The following PLEKHM1 variants were observed in gnomAD, a reference collection of about 807,000 sequenced individuals.
PLEKHM1 encodes the protein pleckstrin homology and RUN domain containing M1, also known as pleckstrin homology domain-containing family M member 1.
PLEKHM1 carries 28 observed loss-of-function variants against 94.3 expected under a neutral mutation model. The observed-to-expected ratio is 0.30, with a 90% CI of 0.22 to 0.41. PLEKHM1 has a LOEUF of 0.41. Among genes scored for constraint, PLEKHM1 ranks in the 10% least tolerant of loss-of-function variants. The pLI is 1.00. For missense variants in PLEKHM1, 907 were observed against 1,358.6 expected, an observed-to-expected ratio of 0.67 and a Z score of 5.22; for synonymous variants, 424 against 581.2, an observed-to-expected ratio of 0.73 and a Z score of 3.89.
At position 45,444,545 on chromosome 17, in the gene PLEKHM1, G is replaced by A. The variant is rs979218415; in HGVS notation, c.2837+925C>T. Reference sequence around the variant, plus strand: ...AATTTCAGGAGGGAGGCTGGCATGGGCCAGACGACTGGCTGGTACAGGGAA... The same window carrying A: ...AATTTCAGGAGGGAGGCTGGCATGGACCAGACGACTGGCTGGTACAGGGAA... On this transcript the variant is annotated intron_variant, in intron 9 of 11. Coordinates refer to ENST00000430334, the MANE Select transcript of PLEKHM1 (RefSeq NM_014798.3). This position sits in a 1 kb window ranked among gnomAD's most constrained non-coding sequence, Gnocchi z 5.0. Among the ~76,000 whole-genome samples, 2 of 152,194 alleles carry A rather than the reference G, an allele frequency of 1.3e-5. No homozygotes were observed. Among genetic ancestry groups the A allele is most frequent in the Admixed American group, 1.3e-4 (2 of 15,286 alleles).
chr17:45,473,223 G>C (rs1424063367), intron 4 of PLEKHM1, among the ~76,000 whole-genome samples: 1 of 152,060 alleles, frequency 6.6e-6, no homozygotes, highest in African/African-American at 2.4e-5. Context: ...ACAGGCCCCA[G>C]CACCCATTAA....
chr17:45,448,097 A>G (rs754602661), intron 8 of PLEKHM1: 1 of 152,222 alleles, frequency 6.6e-6, no homozygotes, highest in Non-Finnish European at 1.5e-5. Flanking sequence ...GTGCCCAGCT[A>G]GGATTGTACT....
chr17:45,436,973 C>A lies in PLEKHM1; in HGVS notation c.*885G>T. On this transcript the variant is annotated 3_prime_UTR_variant, in exon 12 of 12. Transcript: ENST00000430334. ...GGTGGGCCTGGAGCATCTGCAGCAG[C>A]GCCCCTGTCTGTAGAGGGGTGAGGA... 2.2e-6 allele frequency: 1 copy of A among 448,408 alleles called. No individual in the cohort carries two copies. The highest frequency in any genetic ancestry group is 4.5e-6 in the Non-Finnish European group (1 of 221,976). 27.8% of individuals were successfully genotyped at this position (448,408 alleles called of 1,614,324 possible). A position where few individuals can be genotyped will look rare whatever the true frequency, so the allele number is the denominator to read the frequency against.
At position 45,445,452 on chromosome 17, in the gene PLEKHM1, C is replaced by A. The variant is rs761391696; in HGVS notation, c.2837+18G>T. On this transcript the variant is annotated intron_variant, in intron 9 of 11. Coordinates refer to ENST00000430334, the MANE Select transcript of PLEKHM1 (RefSeq NM_014798.3). This position sits in a 1 kb window ranked among gnomAD's most constrained non-coding sequence, Gnocchi z 4.2. ...GTGTGTACGTGCACTCACACGCATA[C>A]ACGTAGAGGTTGCTCACCTCTTGCT... 1 of 1,606,668 alleles carries A rather than the reference C, an allele frequency of 6.2e-7. No individual in the cohort carries two copies. Among genetic ancestry groups the A allele is most frequent in the Non-Finnish European group, 8.5e-7 (1 of 1,173,540 alleles).
rs147030255 is a variant in PLEKHM1, at chr17:45,460,731, A to G, written c.1309-2292T>C. Among the ~76,000 whole-genome samples, 1,132 of 150,580 alleles carry G rather than the reference A, an allele frequency of 7.5e-3. 8 individuals carry two copies. Among genetic ancestry groups the G allele is most frequent in the South Asian group, 0.022 (106 of 4,778 alleles). Reference sequence around the variant, plus strand: ...CACCAGCATGCCCAGCAAATTTTTTATATTTTTAGTAGAGATGGGGTTTCA... The same window carrying G: ...CACCAGCATGCCCAGCAAATTTTTTGTATTTTTAGTAGAGATGGGGTTTCA... On this transcript the variant is annotated intron_variant, in intron 5 of 11. Transcript: ENST00000430334.
chr17:45,481,765 C>A (rs1206545808), intron 2 of PLEKHM1, among the ~76,000 whole-genome samples: 2 of 151,684 alleles, frequency 1.3e-5, no homozygotes, highest in Non-Finnish European at 2.9e-5. Context: ...GGGAAAGGCA[C>A]GTCTCTGAGA....
intron 5 of PLEKHM1, among the ~76,000 whole-genome samples, chr17:45,462,344 G>T (rs1213880100): frequency 6.6e-6 from 1 of 151,748 alleles, no homozygotes; most frequent in African/African-American, 2.4e-5. Context: ...AGGTCATCAA[G>T]AACTGGGGGA....
At chr17:45,456,573 C>T (rs941130003) in intron 6 of PLEKHM1, among the ~76,000 whole-genome samples, 27 of 152,344 alleles carry the variant, frequency 1.8e-4, no homozygotes, top group African/African-American at 6.0e-4. Flanking sequence ...AGCACAGCTT[C>T]GCTGGCAGGT....
chr17:45,452,042 G>A (rs576952258), intron 7 of PLEKHM1, among the ~76,000 whole-genome samples: 119 of 152,256 alleles, frequency 7.8e-4, no homozygotes, highest in African/African-American at 2.7e-3. Context: ...GTGCCAACAG[G>A]ACAGCTCCCA....
At chr17:45,473,819 A>C (rs2051605363) in intron 4 of PLEKHM1, among the ~76,000 whole-genome samples, 1 of 152,066 alleles carries the variant, frequency 6.6e-6, no homozygotes, top group African/African-American at 2.4e-5. Flanking sequence ...CGGCCTCCCA[A>C]AGTGCTGGGA....
At chr17:45,489,913 G>T (rs2052254895) in intron 1 of PLEKHM1, among the ~76,000 whole-genome samples, 1 of 152,128 alleles carries the variant, frequency 6.6e-6, no homozygotes, top group Non-Finnish European at 1.5e-5. Flanking sequence ...TTGGGTGAGG[G>T]TGGTAGGAAA....
chr17:45,441,267 G>A (rs549886154), intron 9 of PLEKHM1, among the ~76,000 whole-genome samples: 12 of 152,312 alleles, frequency 7.9e-5, no homozygotes, highest in South Asian at 6.2e-4. Flanking sequence ...CTGGGCCTCC[G>A]GGGTGCAAAC....
At chr17:45,485,851 G>A (rs1567809929) in intron 1 of PLEKHM1, among the ~76,000 whole-genome samples, 1 of 151,942 alleles carries the variant, frequency 6.6e-6, no homozygotes, top group Non-Finnish European at 1.5e-5. Flanking sequence ...CCCAGGAGGC[G>A]GAGGTTGCAG....
chr17:45,450,947 A>AGTAAGAACTATCATTATTTTACAG (rs2050757721), intron 7 of PLEKHM1, among the ~76,000 whole-genome samples, 184 bp from the exon 8 acceptor site: 2 of 139,508 alleles, frequency 1.4e-5, no homozygotes, highest in Non-Finnish European at 3.1e-5. Flanking sequence ...ACAACAACAC[A>AGTAAGAACTATCATTATTTTACAG]CTGTAAGAAC....
At chr17:45,434,594 C>T (rs868578323), downstream of PLEKHM1, among the ~76,000 whole-genome samples, 9 of 151,868 alleles carry the variant, frequency 5.9e-5, no homozygotes, top group South Asian at 4.2e-4. Context: ...TACAGGCACC[C>T]GCCATCATGC....
At position 45,445,357 on chromosome 17, in the gene PLEKHM1, G is replaced by A. The variant is rs2050570976; in HGVS notation, c.2837+113C>T. 1 of 778,154 alleles carries A rather than the reference G, an allele frequency of 1.3e-6. No homozygotes were observed. Among genetic ancestry groups the A allele is most frequent in the Non-Finnish European group, 2.2e-6 (1 of 453,972 alleles). 48.2% of individuals were successfully genotyped at this position (778,154 alleles called of 1,614,324 possible). A position where few individuals can be genotyped will look rare whatever the true frequency, so the allele number is the denominator to read the frequency against. ...TGTATAAATTTATGTGTGTGGGTATGTGTGCACATGTGTATGTGTGTCTGT... is the reference window on the plus strand; with the variant it reads ...TGTATAAATTTATGTGTGTGGGTATATGTGCACATGTGTATGTGTGTCTGT... On this transcript the variant is annotated intron_variant, in intron 9 of 11. Transcript: ENST00000430334. The surrounding 1 kb of genome is among the most constrained non-coding windows in gnomAD (Gnocchi z 4.2).
intron 4 of PLEKHM1, among the ~76,000 whole-genome samples, chr17:45,471,671 G>A (rs1318212491): frequency 4.6e-5 from 7 of 152,140 alleles, no homozygotes; most frequent in Admixed American, 6.6e-5. Context: ...CAGGAGAATC[G>A]CATGAACCCA....
At chr17:45,471,420 T>C (rs1196293812) in intron 4 of PLEKHM1, among the ~76,000 whole-genome samples, 1 of 149,708 alleles carries the variant, frequency 6.7e-6, no homozygotes, top group Non-Finnish European at 1.5e-5. Flanking sequence ...TAGAGTTACA[T>C]ATGACCCAGC....
chr17:45,486,361 T>A (rs1364753147), intron 1 of PLEKHM1, among the ~76,000 whole-genome samples: 2 of 151,100 alleles, frequency 1.3e-5, no homozygotes, highest in East Asian at 3.9e-4. Flanking sequence ...GGCGGGTGGA[T>A]CACGAGGTCA....
Sources: gnomAD v4.1 joint callset for allele counts (sites outside exome capture counted in the v4.1 genomes callset) on GRCh38, gnomAD v4.1.1 for gene constraint, Gnocchi (gnomAD v3.1) non-coding constraint, MANE v1.5 for transcripts, NCBI Gene and HGNC (gene_info 2026-07-23, HGNC 2026-07-21) for gene names.